The following TUSC3 variants were observed in gnomAD, a reference collection of about 807,000 sequenced individuals.
TUSC3 encodes tumor suppressor candidate 3, also known as dolichyl-diphosphooligosaccharide--protein glycosyltransferase subunit TUSC3.
Under a neutral mutation model 44.8 loss-of-function variants are expected in TUSC3, and 45 were observed. The observed-to-expected ratio is 1.00, with a 90% confidence interval of 0.79 to 1.29. TUSC3 has a LOEUF of 1.29. Among genes scored for constraint, TUSC3 ranks in the 50% most tolerant of loss-of-function variants. The pLI, the probability that TUSC3 is intolerant of heterozygous loss-of-function variation, is 0.00. For synonymous variants in TUSC3, 212 were observed against 152.9 expected (o/e 1.39, Z -2.85); for missense variants, 519 against 437.9 (o/e 1.19, Z -1.65).
intron 6 of TUSC3, among the ~76,000 whole-genome samples, chr8:15,714,264 A>C (rs1809978300): frequency 6.6e-6 from 1 of 152,190 alleles, no homozygotes. Context: ...TTAATCCGTA[A>C]AGTAAATCTG....
the TUSC3 span, among the ~76,000 whole-genome samples, chr8:15,824,088 A>G: frequency 6.6e-6 from 1 of 152,236 alleles, no homozygotes; most frequent in Non-Finnish European, 1.5e-5. Flanking sequence ...TGCATTTTAG[A>G]AGGAGGAAGA....
the TUSC3 span, chr8:15,806,458 A>G: frequency 1.2e-6 from 1 of 833,068 alleles, no homozygotes; most frequent in Non-Finnish European, 2.1e-6. Flanking sequence ...TGTTGTCTTG[A>G]CTTCCCTTAT....
intron 1 of TUSC3, among the ~76,000 whole-genome samples, chr8:15,438,349 G>T (rs2129117995): frequency 6.6e-6 from 1 of 152,272 alleles, no homozygotes; most frequent in East Asian, 1.9e-4. Flanking sequence ...GCCTGCCTCG[G>T]CCCCCCAAAG....
chr8:15,631,411 C>T (rs950771738), intron 2 of TUSC3, among the ~76,000 whole-genome samples: 4 of 151,944 alleles, frequency 2.6e-5, no homozygotes, highest in East Asian at 1.9e-4. Flanking sequence ...ATAATTTTTC[C>T]TTTAAAGTCC....
chr8:15,563,073 T>G (rs1299660669), intron 1 of TUSC3, among the ~76,000 whole-genome samples: 1 of 152,066 alleles, frequency 6.6e-6, no homozygotes, highest in Non-Finnish European at 1.5e-5. Flanking sequence ...AGCCTGCACT[T>G]TTAGATTTTA....
Position 15,582,030 on chromosome 8 carries a change from G to A in TUSC3, c.139-41050G>A, listed in dbSNP as rs148185871. Reference sequence around the variant, plus strand: ...CTTGTGGTGCGCCGCTTTTTAAGCCGGTCTGAAAAGCGCAATATTCGGGTG... The same window carrying A: ...CTTGTGGTGCGCCGCTTTTTAAGCCAGTCTGAAAAGCGCAATATTCGGGTG... On this transcript the variant is annotated intron_variant, in intron 1 of 10. Transcript: ENST00000503731. Among the ~76,000 whole-genome samples the A allele has an allele frequency of 3.3e-3, 507 of 152,042 alleles. 2 individuals are homozygous for A. Among genetic ancestry groups the A allele is most frequent in the African/African-American group, 0.01 (428 of 41,370 alleles).
At chr8:15,621,074 G>C (rs1315611187) in intron 1 of TUSC3, among the ~76,000 whole-genome samples, 1 of 151,936 alleles carries the variant, frequency 6.6e-6, no homozygotes, top group African/African-American at 2.4e-5. Flanking sequence ...AACTTTCTTA[G>C]ACCAGTTCTC....
Position 15,659,568 on chromosome 8 carries a change from C to A in TUSC3, c.488C>A (p.Ala163Asp). The A allele has an allele frequency of 6.2e-7, 1 of 1,613,468 alleles. No individual in the cohort carries two copies. Among genetic ancestry groups the A allele is most frequent in the Non-Finnish European group, 8.5e-7 (1 of 1,179,704 alleles). Residue 163 changes from alanine (A) to aspartate (D), a missense_variant, in exon 4 of 11, where the codon GCT (alanine) becomes GAT (aspartate). By Grantham distance (126) the Ala-to-Asp change is moderately radical. Coordinates refer to ENST00000503731, the MANE Select transcript of TUSC3 (RefSeq NM_006765.4). The stretch of plus-strand genomic sequence containing the variant: ...CCTCCAAAAGGCAGACCTAAGAGAG[C>A]TGATACTTTTGACCTCCAAAGAATT... ...HFPPKGRPKR[A>D]DTFDLQRIGF...
At chr8:15,708,402 A>T (rs1467379451) in intron 6 of TUSC3, among the ~76,000 whole-genome samples, 1 of 152,098 alleles carries the variant, frequency 6.6e-6, no homozygotes, top group Admixed American at 6.6e-5. Context: ...GCATGAGCAG[A>T]TTTGTATTTT....
intron 1 of TUSC3, among the ~76,000 whole-genome samples, chr8:15,462,891 A>G (rs181838616): frequency 3.0e-4 from 46 of 152,222 alleles, no homozygotes; most frequent in Admixed American, 7.9e-4. Flanking sequence ...TTACTCTTTT[A>G]TAGCAAGTGT....
the TUSC3 span, among the ~76,000 whole-genome samples, chr8:15,788,326 C>G: frequency 6.6e-6 from 1 of 152,046 alleles, no homozygotes; most frequent in African/African-American, 2.4e-5. Flanking sequence ...GCAGGAGGAT[C>G]ACTTAAGGTC....
chr8:15,740,205 C>T (rs186899884), intron 7 of TUSC3, among the ~76,000 whole-genome samples: 1 of 152,090 alleles, frequency 6.6e-6, no homozygotes, highest in Admixed American at 6.5e-5. Context: ...GGGAAAAGTA[C>T]CTCAGGCAGT....
At chr8:15,711,115 C>T (rs942315206) in intron 6 of TUSC3, among the ~76,000 whole-genome samples, 1 of 151,674 alleles carries the variant, frequency 6.6e-6, no homozygotes, top group Non-Finnish European at 1.5e-5. Flanking sequence ...CCGTTTTCTT[C>T]GCTTTCCCTT....
At position 15,596,326 on chromosome 8, in the gene TUSC3, C is replaced by T. The variant is rs1318698335; in HGVS notation, c.139-26754C>T. On this transcript the variant is annotated intron_variant, in intron 1 of 10. Coordinates refer to ENST00000503731, the MANE Select transcript of TUSC3 (RefSeq NM_006765.4). ...TTATTTGGAACTTCAGTTAACATGC[C>T]GTGTAAGAGTAGTACAGTACATGGG... Among the ~76,000 whole-genome samples the T allele has an allele frequency of 2.0e-5, 3 of 152,062 alleles. No homozygotes were observed. The South Asian group carries it at 6.2e-4, about 32-fold the overall frequency.
chr8:15,621,377 C>G (rs1805236205), intron 1 of TUSC3, among the ~76,000 whole-genome samples: 1 of 150,866 alleles, frequency 6.6e-6, no homozygotes, highest in South Asian at 2.1e-4. Context: ...AAACTAAGAA[C>G]AATTAGGAGA....
chr8:15,697,513 C>T (rs1342097996), intron 6 of TUSC3, among the ~76,000 whole-genome samples: 1 of 152,126 alleles, frequency 6.6e-6, no homozygotes, highest in East Asian at 1.9e-4. Flanking sequence ...GCTGGGGGGT[C>T]TAGTTCGCTA....
intron 7 of TUSC3, among the ~76,000 whole-genome samples, chr8:15,743,152 G>T (rs568816877): frequency 6.6e-6 from 1 of 152,192 alleles, no homozygotes; most frequent in Admixed American, 6.5e-5. Flanking sequence ...AAAAAGCTGT[G>T]TACACACACG....
At chr8:15,603,594 T>C (rs1185248524) in intron 1 of TUSC3, among the ~76,000 whole-genome samples, 2 of 151,686 alleles carry the variant, frequency 1.3e-5, no homozygotes, top group Non-Finnish European at 3.0e-5. Flanking sequence ...TATTACAATA[T>C]AAAAATATGA....
Position 15,721,966 on chromosome 8 carries a change from T to C in TUSC3, c.799-8700T>C, listed in dbSNP as rs957610460. Among the ~76,000 whole-genome samples, 4 of 152,026 alleles carry C rather than the reference T, an allele frequency of 2.6e-5. No homozygotes were observed. In the East Asian group the frequency reaches 7.7e-4, roughly 29 times the overall value. ...ATAGTATAGTATTATATTTTTGTTGTCTCAACATTTATTTGGAAAATATAG... is the reference window on the plus strand; with the variant it reads ...ATAGTATAGTATTATATTTTTGTTGCCTCAACATTTATTTGGAAAATATAG... On this transcript the variant is annotated intron_variant, in intron 6 of 10. Coordinates refer to ENST00000503731, the MANE Select transcript of TUSC3 (RefSeq NM_006765.4).
Sources: allele counts gnomAD v4.1 joint callset (sites outside exome capture counted in the v4.1 genomes callset), GRCh38; gene constraint gnomAD v4.1.1; transcripts MANE v1.5; gene names NCBI Gene and HGNC (gene_info 2026-07-23, HGNC 2026-07-21).